The following BPHL variants were observed in gnomAD, a reference collection of about 807,000 sequenced individuals.
BPHL encodes biphenyl hydrolase like.
BPHL carries 27 observed loss-of-function variants against 31.2 expected under a neutral mutation model. The ratio of observed to expected loss-of-function variants is 0.87; its 90% CI spans 0.64 to 1.19. The LOEUF (loss-of-function observed/expected upper bound fraction) is 1.19. Among genes scored for constraint, BPHL ranks in the 50% most tolerant of loss-of-function variants. BPHL has a pLI of 0.00. For synonymous variants in BPHL, 150 were observed against 146.8 expected (o/e 1.02, Z -0.16); for missense variants, 356 against 375.7 (o/e 0.95, Z 0.43).
chr6:3,134,244 C>T (rs1396796766), intron 4 of BPHL, among the ~76,000 whole-genome samples: 4 of 152,162 alleles, frequency 2.6e-5, no homozygotes, highest in Non-Finnish European at 5.9e-5. Context: ...CCACCCAACT[C>T]AGCACCAGAA....
In BPHL at chr6:3,133,913, A is replaced by T. The variant is rs145641316; in HGVS notation, c.533-3449A>T. Among the ~76,000 whole-genome samples the T allele has an allele frequency of 3.0e-3, 454 of 152,340 alleles. 4 individuals are homozygous for T. Among genetic ancestry groups the T allele is most frequent in the African/African-American group, 0.01 (422 of 41,574 alleles). On this transcript the variant is annotated intron_variant, in intron 4 of 6. Coordinates refer to ENST00000380379, the MANE Select transcript of BPHL (RefSeq NM_004332.4). ...TACAAGTGACAGATTATTTTCCAGCAAAATAAATTTACACTTCCACCAGCA... is the reference window on the plus strand; with the variant it reads ...TACAAGTGACAGATTATTTTCCAGCTAAATAAATTTACACTTCCACCAGCA...
At chr6:3,131,316 A>T (rs575825555) in intron 4 of BPHL, among the ~76,000 whole-genome samples, 2 of 151,546 alleles carry the variant, frequency 1.3e-5, no homozygotes, top group Admixed American at 6.6e-5. Flanking sequence ...TCCCATAATC[A>T]CTATCTCAGT....
At chr6:3,123,923 T>C in intron 2 of BPHL, 163 bp downstream of exon 2, 2 of 564,298 alleles carry the variant, frequency 3.5e-6, no homozygotes, top group Non-Finnish European at 5.9e-6. Flanking sequence ...GGTAACTTTC[T>C]ACTGCTGTTC....
At position 3,138,028 on chromosome 6, in the gene BPHL, C is replaced by CT. The variant is rs745846572; in HGVS notation, c.664+545dup. 5,863 of 1,089,720 alleles carry CT rather than the reference C, an allele frequency of 5.4e-3. 1 individual carries two copies. The highest frequency in any genetic ancestry group is 7.7e-3 in the East Asian group (116 of 15,006). The allele number at this position is 1,089,720 out of a possible 1,614,324, so 67.5% of individuals were successfully genotyped here. A position where few individuals can be genotyped will look rare whatever the true frequency, so the allele number is the denominator to read the frequency against. On this transcript the variant is annotated intron_variant, in intron 5 of 6. Transcript: ENST00000380379. ...GAACAATGCACAAATGTCTCCTATT[C>CT]TTTTTTTTTTAGATGGAGTCTCACT...
chr6:3,123,694 G>A lies in BPHL; in HGVS notation c.145G>A (p.Val49Ile), dbSNP rs371377931. The change falls in exon 2 of 7, where the codon GTT becomes ATT. Residue 49 changes from valine (V) to isoleucine (I), a missense_variant. Val to Ile is a conservative substitution (Grantham distance 29, BLOSUM62 3). Transcript: ENST00000380379. ...VTSAKVAVNG[V>I]QLHYQQTGEG... The stretch of plus-strand genomic sequence containing the variant: ...CTCTGCCAAAGTGGCTGTGAATGGC[G>A]TTCAGCTGCATTACCAGCAGACTGG... The A allele has an allele frequency of 3.4e-5, 55 of 1,613,614 alleles. No individual in the cohort carries two copies. The highest frequency in any genetic ancestry group is 8.3e-5 in the Admixed American group (5 of 59,946).
chr6:3,148,267 C>A (rs1304737087), intron 6 of BPHL, among the ~76,000 whole-genome samples: 1 of 152,210 alleles, frequency 6.6e-6, no homozygotes, highest in Non-Finnish European at 1.5e-5. Context: ...GGGCTAGTTA[C>A]TCTCCTCTGT....
rs1761502382 is a variant in BPHL at position 3,119,576 on chromosome 6, G to T, written c.107+729G>T. ...TTCTGTCTTGAAAATGGATACTCTT[G>T]GTCCCAAGAGATACTGGGCAGAAAT... On this transcript the variant is annotated intron_variant, in intron 1 of 6. Coordinates refer to ENST00000380379, the MANE Select transcript of BPHL (RefSeq NM_004332.4). The T allele has an allele frequency of 3.2e-5, 51 of 1,594,938 alleles. No homozygotes were observed. The South Asian group carries it at 5.4e-4, about 17-fold the overall frequency.
At chr6:3,146,022 C>T (rs192741796) in intron 6 of BPHL, among the ~76,000 whole-genome samples, 28 of 3,888 alleles carry the variant, frequency 7.2e-3, no homozygotes, top group African/African-American at 0.013. Flanking sequence ...TGGTTCGGGT[C>T]CGAGTGCTGG....
chr6:3,148,650 C>T (rs1459974061), intron 6 of BPHL, among the ~76,000 whole-genome samples: 1 of 152,234 alleles, frequency 6.6e-6, no homozygotes, highest in African/African-American at 2.4e-5. Context: ...CTGCTTTCAG[C>T]TCCTCCCAGC....
rs73355591 is a variant in BPHL at position 3,140,011 on chromosome 6, C to T, written c.665-375C>T. On this transcript the variant is annotated intron_variant, in intron 5 of 6. Transcript: ENST00000380379. The surrounding 1 kb of genome is among the most constrained non-coding windows in gnomAD (Gnocchi z 5.2). ...CCGGGGCCCCTACACTCATCTGAAA[C>T]GTGATTTCCAGGGAAAAGCTCTACA... The T allele has an allele frequency of 0.048, 10,736 of 225,082 alleles. 1,024 individuals are homozygous for T. Among genetic ancestry groups the T allele is most frequent in the African/African-American group, 0.21 (8,976 of 43,170 alleles). 13.9% of individuals were successfully genotyped at this position (225,082 alleles called of 1,614,324 possible). A position where few individuals can be genotyped will look rare whatever the true frequency, so the allele number is the denominator to read the frequency against.
chr6:3,120,992 G>GC (rs1761554292), intron 1 of BPHL, among the ~76,000 whole-genome samples: 1 of 152,330 alleles, frequency 6.6e-6, no homozygotes, highest in Non-Finnish European at 1.5e-5. Context: ...CCACTTCCTA[G>GC]CTCTGTGAGT....
intron 5 of BPHL, chr6:3,138,309 T>C (rs1176823706): frequency 5.4e-6 from 1 of 183,892 alleles, no homozygotes; most frequent in Non-Finnish European, 1.2e-5. Context: ...TGAGACACCA[T>C]GCCCAGCCTC....
chr6:3,130,033 C>T (rs1761831257), intron 4 of BPHL, among the ~76,000 whole-genome samples: 1 of 152,060 alleles, frequency 6.6e-6, no homozygotes, highest in Non-Finnish European at 1.5e-5. Flanking sequence ...TTTCGAATTC[C>T]CGACCTCAGG....
chr6:3,153,337 G>A lies in BPHL; in HGVS notation c.*762G>A, dbSNP rs1439882923. The A allele has an allele frequency of 3.0e-5, 5 of 169,468 alleles. No individual in the cohort carries two copies. The highest frequency in any genetic ancestry group is 1.4e-4 in the South Asian group (1 of 7,024). The allele number at this position is 169,468 out of a possible 1,614,324, so 10.5% of individuals were successfully genotyped here. ...AGAGAAGTAGGGAGAGTCCGTGCCC[G>A]AGGTCCTCAATTCTAAGATCAGAGG... On this transcript the variant is annotated 3_prime_UTR_variant, in exon 7 of 7. Coordinates refer to ENST00000380379, the MANE Select transcript of BPHL (RefSeq NM_004332.4).
At chr6:3,141,344 G>A (rs1470778710) in intron 6 of BPHL, among the ~76,000 whole-genome samples, 3 of 152,106 alleles carry the variant, frequency 2.0e-5, no homozygotes, top group East Asian at 1.9e-4. Context: ...ATTATACTGC[G>A]GGTGGACAAA....
At chr6:3,137,295 A>G (rs1396625035) in intron 4 of BPHL, 67 bp from the exon 5 acceptor site, 2 of 1,571,780 alleles carry the variant, frequency 1.3e-6, no homozygotes, top group Non-Finnish European at 1.7e-6. Context: ...GCTCTTGCTC[A>G]GAATACTTAA....
In BPHL at chr6:3,140,279, T is replaced by G; in HGVS notation, c.665-107T>G. ...AAATCCAAAACACAGTTTTTACGGA[T>G]AGGGAAACTGAGGGCCAAGGAGGGG... On this transcript the variant is annotated intron_variant, in intron 5 of 6. Coordinates refer to ENST00000380379, the MANE Select transcript of BPHL (RefSeq NM_004332.4). The surrounding 1 kb of genome is among the most constrained non-coding windows in gnomAD (Gnocchi z 5.2). 7.0e-7 allele frequency: 1 copy of G among 1,418,876 alleles called. No homozygotes were observed. Among genetic ancestry groups the G allele is most frequent in the Non-Finnish European group, 9.6e-7 (1 of 1,037,528 alleles). 87.9% of individuals were successfully genotyped at this position (1,418,876 alleles called of 1,614,324 possible).
intron 6 of BPHL, among the ~76,000 whole-genome samples, chr6:3,147,845 A>G (rs1762424041): frequency 6.6e-6 from 1 of 152,146 alleles, no homozygotes; most frequent in African/African-American, 2.4e-5. Flanking sequence ...GAAAGCCAGG[A>G]GGCTTGAGAC....
Position 3,152,534 on chromosome 6 carries a change from G to T in BPHL, c.835G>T (p.Ala279Ser). The T allele has an allele frequency of 6.2e-7, 1 of 1,613,252 alleles. No individual in the cohort carries two copies. The highest frequency in any genetic ancestry group is 8.5e-7 in the Non-Finnish European group (1 of 1,179,684). ...CAAACACAACCTGCATTTGCGTTTT[G>T]CAGATGAATTCAACAAGTTAGCAGA... ...EGKHNLHLRF[A>S]DEFNKLAEDF... Residue 279 changes from alanine (A) to serine (S), a missense_variant, in exon 7 of 7, where the codon GCA becomes TCA. Transcript: ENST00000380379.
Sources: allele counts gnomAD v4.1 joint callset (sites outside exome capture counted in the v4.1 genomes callset), GRCh38; gene constraint gnomAD v4.1.1; non-coding constraint Gnocchi (gnomAD v3.1); transcripts MANE v1.5; gene names NCBI Gene and HGNC (gene_info 2026-07-23, HGNC 2026-07-21).